The following NR6A1 variants were observed in gnomAD, a reference collection of about 807,000 sequenced individuals.
NR6A1 encodes retinoic acid receptor-related testis-associated receptor.
NR6A1 carries 7 observed loss-of-function variants against 59.1 expected under a neutral mutation model. The observed-to-expected ratio is 0.12, with a 90% CI of 0.07 to 0.22. NR6A1 has a LOEUF of 0.22. Among genes scored for constraint, NR6A1 ranks in the 10% least tolerant of loss-of-function variants. The pLI is 1.00. For synonymous variants in NR6A1, 243 were observed against 236.1 expected (o/e 1.03, Z -0.27); for missense variants, 468 against 611.6 (o/e 0.77, Z 2.48).
chr9:124,563,327 A>T (rs943407745), intron 2 of NR6A1, among the ~76,000 whole-genome samples: 2 of 152,192 alleles, frequency 1.3e-5, no homozygotes, highest in African/African-American at 4.8e-5. Context: ...TGTGATGTGC[A>T]AGTGTGCAGT....
intron 1 of NR6A1, among the ~76,000 whole-genome samples, chr9:124,747,781 A>G (rs1840377442): frequency 6.6e-6 from 1 of 152,112 alleles, no homozygotes; most frequent in Admixed American, 6.6e-5. Context: ...AATATAGTCA[A>G]TCACCAGGAC....
At chr9:124,601,280 C>T (rs1264836134) in intron 2 of NR6A1, among the ~76,000 whole-genome samples, 1 of 149,736 alleles carries the variant, frequency 6.7e-6, no homozygotes, top group Admixed American at 6.6e-5. Context: ...TGTCTCAAAA[C>T]AAATAAACAA....
chr9:124,647,408 A>C (rs1836960132), intron 2 of NR6A1, among the ~76,000 whole-genome samples: 1 of 152,186 alleles, frequency 6.6e-6, no homozygotes, highest in Non-Finnish European at 1.5e-5. Context: ...AGAAATGGAC[A>C]TACACAACCT....
chr9:124,750,411 A>C (rs1047606132), intron 1 of NR6A1, among the ~76,000 whole-genome samples: 1 of 152,158 alleles, frequency 6.6e-6, no homozygotes, highest in Non-Finnish European at 1.5e-5. Flanking sequence ...CCAACATCAC[A>C]AATTGGCTTT....
chr9:124,768,031 A>G (rs1840987938), intron 1 of NR6A1, among the ~76,000 whole-genome samples: 1 of 152,256 alleles, frequency 6.6e-6, no homozygotes, highest in African/African-American at 2.4e-5. Context: ...ACAACTGAAA[A>G]TAGCGCAGTC....
intron 2 of NR6A1, among the ~76,000 whole-genome samples, chr9:124,592,399 C>T (rs985783427): frequency 1.3e-5 from 2 of 152,098 alleles, no homozygotes; most frequent in Admixed American, 6.6e-5. Context: ...TTAAAATAAT[C>T]GATTCTTTGG....
intron 2 of NR6A1, among the ~76,000 whole-genome samples, chr9:124,668,827 G>A (rs1018249345): frequency 1.2e-4 from 19 of 152,228 alleles, no homozygotes; most frequent in African/African-American, 4.6e-4. Flanking sequence ...AGCAGGGACT[G>A]ACAGTATCTG....
chr9:124,736,915 T>C (rs867266586), intron 1 of NR6A1, among the ~76,000 whole-genome samples: 8 of 152,302 alleles, frequency 5.3e-5, no homozygotes, highest in African/African-American at 1.7e-4. Context: ...AAGACCTCTA[T>C]ATATGTAAGC....
chr9:124,644,766 T>C (rs908609277), intron 2 of NR6A1, among the ~76,000 whole-genome samples: 1 of 152,170 alleles, frequency 6.6e-6, no homozygotes, highest in African/African-American at 2.4e-5. Flanking sequence ...ACTGCATCCC[T>C]GCCCTTTACC....
At chr9:124,602,485 G>A (rs1177260987) in intron 2 of NR6A1, among the ~76,000 whole-genome samples, 2 of 152,184 alleles carry the variant, frequency 1.3e-5, no homozygotes, top group East Asian at 1.9e-4. Context: ...GATCAAAGTT[G>A]TACAAAGCAA....
intron 2 of NR6A1, among the ~76,000 whole-genome samples, chr9:124,717,712 G>T (rs1174109158): frequency 6.6e-6 from 1 of 152,170 alleles, no homozygotes; most frequent in Non-Finnish European, 1.5e-5. Context: ...TTGCATGTAA[G>T]TCACGCCTCA....
chr9:124,666,216 C>T lies in NR6A1; in HGVS notation c.142+67092G>A, dbSNP rs1211068771. Among the ~76,000 whole-genome samples the T allele has an allele frequency of 3.3e-5, 5 of 151,330 alleles. No homozygotes were observed. In the East Asian group the frequency reaches 7.8e-4, roughly 24 times the overall value. The stretch of plus-strand genomic sequence containing the variant: ...CAGTTACACCAAAAAAAAAGAAGAC[C>T]CCAATTTGGTTATCTGTTATTGTGA... On this transcript the variant is annotated intron_variant, in intron 2 of 9. Transcript: ENST00000487099.
intron 1 of NR6A1, among the ~76,000 whole-genome samples, chr9:124,741,102 T>C (rs751786752): frequency 1.3e-5 from 2 of 151,852 alleles, no homozygotes; most frequent in Non-Finnish European, 2.9e-5. Context: ...CACTGTCCAA[T>C]ACAGTTGCCA....
At chr9:124,614,668 C>T (rs1472360038) in intron 2 of NR6A1, among the ~76,000 whole-genome samples, 1 of 152,114 alleles carries the variant, frequency 6.6e-6, no homozygotes, top group African/African-American at 2.4e-5. Flanking sequence ...GACAAAAGTC[C>T]GCCACTATAT....
intron 7 of NR6A1, among the ~76,000 whole-genome samples, chr9:124,532,773 A>G (rs1317740842): frequency 1.3e-5 from 2 of 152,252 alleles, no homozygotes; most frequent in Non-Finnish European, 2.9e-5. Flanking sequence ...CTTTATTTGT[A>G]CTAGTAGCCA....
chr9:124,556,005 ATTTCTGGAGCCC>A, intron 2 of NR6A1, among the ~76,000 whole-genome samples: 1 of 152,344 alleles, frequency 6.6e-6, no homozygotes, highest in Non-Finnish European at 1.5e-5. Context: ...GGTGGCTTGC[ATTTCTGGAGCCC>A]TTAATATATG....
intron 2 of NR6A1, among the ~76,000 whole-genome samples, chr9:124,597,422 A>G (rs781007883): frequency 3.9e-5 from 6 of 152,272 alleles, no homozygotes; most frequent in Admixed American, 2.6e-4. Context: ...GCAAAAAGCT[A>G]CTCAACTGGA....
intron 1 of NR6A1, among the ~76,000 whole-genome samples, chr9:124,739,070 C>A (rs2131142775): frequency 6.6e-6 from 1 of 150,534 alleles, no homozygotes; most frequent in Non-Finnish European, 1.5e-5. Flanking sequence ...TGCCTATAAG[C>A]CCAGCTACTC....
chr9:124,616,402 CAAAAAAAA>C (rs71372978), intron 2 of NR6A1, among the ~76,000 whole-genome samples: 2 of 68,300 alleles, frequency 2.9e-5, no homozygotes, highest in South Asian at 5.0e-4. Flanking sequence ...GACTCCATCT[CAAAAAAAA>C]AAAAAAAAAA....
Sources: allele counts gnomAD v4.1 joint callset (sites outside exome capture counted in the v4.1 genomes callset), GRCh38; gene constraint gnomAD v4.1.1; transcripts MANE v1.5; gene names NCBI Gene and HGNC (gene_info 2026-07-23, HGNC 2026-07-21).